MYO10: variants seen among roughly 807,000 people sequenced by gnomAD.
MYO10 encodes the protein unconventional myosin-X.
In MYO10, 133 loss-of-function variants were observed where a neutral mutation model predicts 257.3. The ratio of observed to expected loss-of-function variants is 0.52; its 90% CI spans 0.45 to 0.60. The LOEUF (loss-of-function observed/expected upper bound fraction) is 0.60, where lower values mean the gene tolerates loss of function less well. MYO10 is among the 20% of genes least tolerant of loss of function. The pLI is 0.00. For missense variants in MYO10, 2,399 were observed against 2,635.7 expected, an observed-to-expected ratio of 0.91 and a Z score of 1.97; for synonymous variants, 1,104 against 1,028.6, an observed-to-expected ratio of 1.07 and a Z score of -1.40.
rs368708999 is a variant in MYO10, at chr5:16,699,597, C to T, written c.3433-24G>A. 14 of 1,612,370 alleles carry T rather than the reference C, an allele frequency of 8.7e-6. No individual in the cohort carries two copies. The African/African-American group carries it at 9.4e-5, about 11-fold the overall frequency. On this transcript the variant is annotated intron_variant, in intron 25 of 40. Coordinates refer to ENST00000513610, the MANE Select transcript of MYO10 (RefSeq NM_012334.3). ...AACTGGACCGAGAGAGAGAAGCCAA[C>T]GGTGAGGGAAAAGGCCACAAAGCAA...
rs777480265 is a variant in MYO10, at chr5:16,694,623, C to T, written c.3557-9G>A. 2.5e-6 allele frequency: 4 copies of T among 1,613,250 alleles called. No homozygotes were observed. Among genetic ancestry groups the T allele is most frequent in the South Asian group, 2.2e-5 (2 of 91,016 alleles). ...AGAGTTCATCAGGCCACCTGTTCCC[C>T]GTGAGATTGGGTAGAGAGGGGTGAA... On this transcript the variant is annotated splice_polypyrimidine_tract_variant and intron_variant, in intron 26 of 40. Transcript: ENST00000513610.
At position 16,666,422 on chromosome 5, in the gene MYO10, G is replaced by A; in HGVS notation, c.*270C>T. Reference sequence around the variant, plus strand: ...CACTTCCGGCTGCTTTGGTGGCAGCGTGGTTCCTCCCCTCCTTTTTTAAGG... The same window carrying A: ...CACTTCCGGCTGCTTTGGTGGCAGCATGGTTCCTCCCCTCCTTTTTTAAGG... On this transcript the variant is annotated 3_prime_UTR_variant, in exon 41 of 41. Coordinates refer to ENST00000513610, the MANE Select transcript of MYO10 (RefSeq NM_012334.3). 2.6e-6 allele frequency: 1 copy of A among 382,850 alleles called. No individual in the cohort carries two copies. The highest frequency in any genetic ancestry group is 4.7e-6 in the Non-Finnish European group (1 of 214,930). 23.7% of individuals were successfully genotyped at this position (382,850 alleles called of 1,614,324 possible).
intron 1 of MYO10, among the ~76,000 whole-genome samples, chr5:16,911,099 G>A (rs974480470): frequency 1.3e-5 from 2 of 152,120 alleles, no homozygotes; most frequent in African/African-American, 4.8e-5. Context: ...GGCCAGGAGT[G>A]TGAGACCAGC....
At chr5:16,718,146 G>A (rs930135843) in intron 19 of MYO10, among the ~76,000 whole-genome samples, 14 of 152,342 alleles carry the variant, frequency 9.2e-5, no homozygotes, top group East Asian at 5.8e-4. Context: ...CCAGCCCACC[G>A]GCGCTGTGCT....
Position 16,928,950 on chromosome 5 carries a change from T to G in MYO10, c.21+6838A>C, listed in dbSNP as rs995909817. On this transcript the variant is annotated intron_variant, in intron 1 of 40. Coordinates refer to ENST00000513610, the MANE Select transcript of MYO10 (RefSeq NM_012334.3). Reference sequence around the variant, plus strand: ...AAATCAAATAAAAATTAGTGGCATGTTTTTTTTTTGGTTTTTTTTTGAGAC... The same window carrying G: ...AAATCAAATAAAAATTAGTGGCATGGTTTTTTTTTGGTTTTTTTTTGAGAC... Among the ~76,000 whole-genome samples the G allele has an allele frequency of 1.2e-4, 17 of 144,900 alleles. No individual in the cohort carries two copies. In the South Asian group the frequency reaches 2.6e-3, roughly 22 times the overall value.
At position 16,769,267 on chromosome 5, in the gene MYO10, T is replaced by A. The variant is rs1579970487; in HGVS notation, c.931-64A>T. On this transcript the variant is annotated intron_variant, in intron 9 of 40. Transcript: ENST00000513610. ...TTCACACTGAAGAAAATGTAGAATA[T>A]CCCTGATAATATAAAATTACTAGGT... 4.1e-6 allele frequency: 6 copies of A among 1,456,056 alleles called. No individual in the cohort carries two copies. The South Asian group carries it at 8.6e-5, about 21-fold the overall frequency. 90.2% of individuals were successfully genotyped at this position (1,456,056 alleles called of 1,614,324 possible).
At chr5:16,891,452 C>A (rs763755657) in intron 1 of MYO10, among the ~76,000 whole-genome samples, 1 of 150,786 alleles carries the variant, frequency 6.6e-6, no homozygotes, top group Non-Finnish European at 1.5e-5. Flanking sequence ...GGTGGTTGCC[C>A]GGGGCTGGGA....
At chr5:16,765,850 T>C (rs948390395) in intron 11 of MYO10, among the ~76,000 whole-genome samples, 1 of 152,242 alleles carries the variant, frequency 6.6e-6, no homozygotes, top group African/African-American at 2.4e-5. Context: ...ACCCATCCTC[T>C]TAAACAACAA....
At chr5:16,722,544 C>G (rs922342318) in intron 19 of MYO10, among the ~76,000 whole-genome samples, 2 of 151,812 alleles carry the variant, frequency 1.3e-5, no homozygotes, top group Non-Finnish European at 2.9e-5. Context: ...ATCTACACAA[C>G]TATAATCAAA....
chr5:16,717,889 A>G (rs1249795408), intron 19 of MYO10, among the ~76,000 whole-genome samples: 2 of 152,206 alleles, frequency 1.3e-5, no homozygotes, highest in East Asian at 1.9e-4. Context: ...TGCACTGTGG[A>G]AGCCCCTTTC....
chr5:16,877,553 C>T (rs951478512), intron 2 of MYO10, 56 bp downstream of exon 2: 12 of 1,419,004 alleles, frequency 8.5e-6, no homozygotes, highest in Middle Eastern at 1.8e-4. Context: ...GCCCTGGGCA[C>T]GAATAGCTAC....
chr5:16,792,152 GAGAGAGAGAGA>G (rs1741783140), intron 4 of MYO10, among the ~76,000 whole-genome samples: 1 of 149,126 alleles, frequency 6.7e-6, no homozygotes, highest in Non-Finnish European at 1.5e-5. Flanking sequence ...GAGAGAGAGA[GAGAGAGAGAGA>G]GGGAGAGACA....
intron 1 of MYO10, among the ~76,000 whole-genome samples, chr5:16,919,954 T>C (rs980203776): frequency 6.6e-6 from 1 of 152,046 alleles, no homozygotes; most frequent in Non-Finnish European, 1.5e-5. Context: ...CTACTAAAAA[T>C]ACAAAAATTA....
intron 3 of MYO10, among the ~76,000 whole-genome samples, chr5:16,795,579 C>T (rs756633739): frequency 5.9e-5 from 9 of 152,234 alleles, no homozygotes; most frequent in South Asian, 2.1e-4. Flanking sequence ...CCAGCCTGGG[C>T]GACAGAGTGA....
chr5:16,705,165 T>C (rs1485907624), intron 21 of MYO10, among the ~76,000 whole-genome samples: 2 of 152,254 alleles, frequency 1.3e-5, no homozygotes, highest in Non-Finnish European at 2.9e-5. Context: ...GTGGAAATCC[T>C]CTCTTTGTGC....
At chr5:16,757,468 C>G (rs1463907377) in intron 18 of MYO10, among the ~76,000 whole-genome samples, 1 of 151,974 alleles carries the variant, frequency 6.6e-6, no homozygotes. Flanking sequence ...CTCATCTAAC[C>G]AGGGGGAAAA....
chr5:16,831,711 G>C (rs1179315514), intron 2 of MYO10, among the ~76,000 whole-genome samples: 3 of 152,056 alleles, frequency 2.0e-5, no homozygotes, highest in Non-Finnish European at 4.4e-5. Flanking sequence ...TGGACTTTGG[G>C]GAATCAATGG....
chr5:16,918,500 C>CTTTTTTTTT (rs5866221), intron 1 of MYO10, among the ~76,000 whole-genome samples: 1 of 117,694 alleles, frequency 8.5e-6, no homozygotes, highest in African/African-American at 3.3e-5. Context: ...TTTTTCTTTT[C>CTTTTTTTTT]TTTTTTTTTT....
intron 9 of MYO10, among the ~76,000 whole-genome samples, chr5:16,774,125 A>G (rs899378968): frequency 6.6e-6 from 1 of 152,224 alleles, no homozygotes; most frequent in African/African-American, 2.4e-5. Flanking sequence ...CAAGACTGAA[A>G]AAACCATGGG....
Sources: gnomAD v4.1 joint callset for allele counts (sites outside exome capture counted in the v4.1 genomes callset) on GRCh38, gnomAD v4.1.1 for gene constraint, MANE v1.5 for transcripts, NCBI Gene and HGNC (gene_info 2026-07-23, HGNC 2026-07-21) for gene names.